Variants in FSD1L observed in about 807,000 individuals in gnomAD.
FSD1L encodes the protein fibronectin type III and SPRY domain containing 1 like, also known as FSD1-like protein.
Under a neutral mutation model 71.6 loss-of-function variants are expected in FSD1L, and 45 were observed. The observed-to-expected ratio is 0.63, with a 90% CI of 0.49 to 0.81. The LOEUF (loss-of-function observed/expected upper bound fraction) is 0.81. Ranked by LOEUF, FSD1L falls within the 30% of genes least tolerant of loss-of-function variation. The probability of loss-of-function intolerance (pLI) is 0.00; values close to 1 mark genes in which losing one functional copy is unlikely to be tolerated. For synonymous variants in FSD1L, 197 were observed against 207.2 expected (o/e 0.95, Z 0.42); for missense variants, 561 against 618.1 (o/e 0.91, Z 0.98).
intron 1 of FSD1L, among the ~76,000 whole-genome samples, chr9:105,455,943 G>A (rs1830331860): frequency 6.6e-6 from 1 of 152,196 alleles, no homozygotes; most frequent in African/African-American, 2.4e-5. Context: ...GAATACTACT[G>A]TAGAATTTGA....
At chr9:105,471,729 T>C (rs570061786) in intron 4 of FSD1L, among the ~76,000 whole-genome samples, 175 bp from the exon 5 acceptor site, 1 of 134,528 alleles carries the variant, frequency 7.4e-6, no homozygotes, top group African/African-American at 3.5e-5. Flanking sequence ...ACGTTTTATA[T>C]ATATATATAT....
chr9:105,503,793 C>A (rs140546433), intron 7 of FSD1L, among the ~76,000 whole-genome samples: 2 of 152,206 alleles, frequency 1.3e-5, no homozygotes, highest in Admixed American at 1.3e-4. Flanking sequence ...GAACTTCCCA[C>A]GTTAGCTCCA....
Position 105,461,578 on chromosome 9 carries a change from A to G in FSD1L, c.74A>G (p.Asn25Ser). ...GATAAAGCCTGTTTTCTGATCTCTAACATCACTATTGGACCAGAGTCTATT... is the reference window on the plus strand; with the variant it reads ...GATAAAGCCTGTTTTCTGATCTCTAGCATCACTATTGGACCAGAGTCTATT... ...TVDKACFLIS[N>S]ITIGPESINL... Residue 25 changes from asparagine to serine, a missense_variant, in exon 2 of 14, where the codon AAC becomes AGC. Asn to Ser is a conservative substitution (Grantham distance 46). Transcript: ENST00000481272. The G allele has an allele frequency of 6.4e-7, 1 of 1,551,884 alleles. No individual in the cohort carries two copies. Among genetic ancestry groups the G allele is most frequent in the Non-Finnish European group, 8.7e-7 (1 of 1,146,790 alleles).
intron 7 of FSD1L, among the ~76,000 whole-genome samples, chr9:105,502,172 T>C (rs534676807): frequency 9.8e-5 from 15 of 152,316 alleles, no homozygotes; most frequent in African/African-American, 3.6e-4. Context: ...TGTCTAGCTG[T>C]GCAATCTTGA....
rs112637031 is a variant in FSD1L at position 105,529,325 on chromosome 9, A to G, written c.1026-5168A>G. ...TTCTACTATAAAGTCACATGCACAC[A>G]TATGTTTATCGGGTCACTATTCACA... On this transcript the variant is annotated intron_variant, in intron 10 of 13. Transcript: ENST00000481272. Among the ~76,000 whole-genome samples the G allele has an allele frequency of 1.3e-3, 191 of 152,328 alleles. 1 individual carries two copies. In the South Asian group the frequency reaches 0.014, roughly 11 times the overall value.
intron 10 of FSD1L, among the ~76,000 whole-genome samples, chr9:105,513,270 T>C (rs930395936): frequency 2.0e-5 from 3 of 152,198 alleles, no homozygotes. Flanking sequence ...CTATCTTACC[T>C]GCAGGTCTGG....
intron 6 of FSD1L, among the ~76,000 whole-genome samples, chr9:105,481,894 G>A (rs961537027): frequency 5.9e-5 from 9 of 151,572 alleles, no homozygotes; most frequent in African/African-American, 1.7e-4. Context: ...CACCTCTGCC[G>A]CCTGAGCAGC....
At chr9:105,507,892 T>G (rs74626974) in intron 8 of FSD1L, among the ~76,000 whole-genome samples, 1 of 54,948 alleles carries the variant, frequency 1.8e-5, no homozygotes, top group African/African-American at 1.6e-4. Flanking sequence ...CACTCTTCTT[T>G]TTTTTTTTTT....
chr9:105,450,534 C>CTT (rs35115121), intron 1 of FSD1L, among the ~76,000 whole-genome samples: 74 of 137,920 alleles, frequency 5.4e-4, no homozygotes, highest in East Asian at 3.8e-3. Flanking sequence ...GGATTGTGTT[C>CTT]TTTTTTTTTT....
At chr9:105,485,668 G>A (rs1832499849) in intron 7 of FSD1L, among the ~76,000 whole-genome samples, 1 of 149,792 alleles carries the variant, frequency 6.7e-6, no homozygotes, top group Admixed American at 6.7e-5. Flanking sequence ...TTTTGAGACG[G>A]AGTCTTGCTC....
chr9:105,509,915 T>C (rs1834297139), intron 9 of FSD1L, among the ~76,000 whole-genome samples: 1 of 152,234 alleles, frequency 6.6e-6, no homozygotes, highest in Admixed American at 6.5e-5. Context: ...TCTATATAAC[T>C]TGAACTGTTT....
chr9:105,503,307 A>G (rs967899429), intron 7 of FSD1L, among the ~76,000 whole-genome samples: 1 of 152,178 alleles, frequency 6.6e-6, no homozygotes, highest in Non-Finnish European at 1.5e-5. Context: ...AAATGAAGAA[A>G]TATCTATTAA....
chr9:105,489,351 G>A (rs1832766826), intron 7 of FSD1L, among the ~76,000 whole-genome samples: 1 of 152,036 alleles, frequency 6.6e-6, no homozygotes, highest in Admixed American at 6.6e-5. Context: ...TTTGTATGTA[G>A]AGTTAATTAC....
At position 105,535,295 on chromosome 9, in the gene FSD1L, G is replaced by A. The variant is rs1390854377; in HGVS notation, c.1355G>A (p.Gly452Asp). 4 of 1,551,290 alleles carry A rather than the reference G, an allele frequency of 2.6e-6. No individual in the cohort carries two copies. The highest frequency in any genetic ancestry group is 2.0e-5 in the Admixed American group (1 of 50,976). Reference sequence around the variant, plus strand: ...GATGTTACTGTTCCTGAAAAAATAGGTGTATTTTGTGATTTTGATGGGGGT... The same window carrying A: ...GATGTTACTGTTCCTGAAAAAATAGATGTATTTTGTGATTTTGATGGGGGT... ...ALDVTVPEKIGVFCDFDGGQL... is the reference protein window; with the variant it reads ...ALDVTVPEKIDVFCDFDGGQL... Residue 452 changes from glycine to aspartate, a missense_variant, in exon 12 of 14, where the codon GGT becomes GAT. Around this residue, in one of 3 missense-constraint regions of FSD1L, gnomAD observed 98 missense variants for 102.3 expected, o/e 0.96. Coordinates refer to ENST00000481272, the MANE Select transcript of FSD1L (RefSeq NM_001145313.3).
chr9:105,443,226 A>G (rs767447292), upstream of FSD1L, among the ~76,000 whole-genome samples: 1 of 152,218 alleles, frequency 6.6e-6, no homozygotes, highest in Non-Finnish European at 1.5e-5. Flanking sequence ...TTTATAACGA[A>G]AAAGAGGTTT....
At chr9:105,477,376 C>T (rs555955680) in intron 5 of FSD1L, among the ~76,000 whole-genome samples, 209 of 152,270 alleles carry the variant, frequency 1.4e-3, no homozygotes, top group Middle Eastern at 3.4e-3. Context: ...TAGAATTAGA[C>T]AGACAAATTC....
intron 7 of FSD1L, among the ~76,000 whole-genome samples, chr9:105,497,625 A>G (rs1351064812): frequency 6.6e-6 from 1 of 152,130 alleles, no homozygotes; most frequent in East Asian, 1.9e-4. Context: ...CTTTTGGGTT[A>G]TCAAATTTGT....
chr9:105,486,282 A>C (rs969312795), intron 7 of FSD1L, among the ~76,000 whole-genome samples: 1 of 152,222 alleles, frequency 6.6e-6, no homozygotes, highest in African/African-American at 2.4e-5. Context: ...AACTGATATT[A>C]AAGCAGGAAT....
intron 9 of FSD1L, among the ~76,000 whole-genome samples, chr9:105,510,375 A>G (rs554426550): frequency 6.6e-6 from 1 of 152,328 alleles, no homozygotes; most frequent in East Asian, 1.9e-4. Context: ...GTTATTCCAT[A>G]GCATTAGTGG....
Sources: allele counts gnomAD v4.1 joint callset (sites outside exome capture counted in the v4.1 genomes callset), GRCh38; gene constraint gnomAD v4.1.1; regional missense constraint gnomAD v4.1.1; transcripts MANE v1.5; gene names NCBI Gene and HGNC (gene_info 2026-07-23, HGNC 2026-07-21).